The following SIRT3 variants were observed in gnomAD, a reference collection of about 807,000 sequenced individuals.
SIRT3 encodes the protein NAD-dependent protein deacetylase sirtuin-3, mitochondrial.
In SIRT3, 26 loss-of-function variants were observed where a neutral mutation model predicts 33.5. That is an observed-to-expected ratio of 0.78 (90% CI 0.57 to 1.08). SIRT3 has a LOEUF of 1.08. Ranked by LOEUF, SIRT3 falls within the 50% of genes least tolerant of loss-of-function variation. The pLI is 0.00. For missense variants in SIRT3, 585 were observed against 530.1 expected, an observed-to-expected ratio of 1.10 and a Z score of -1.02; for synonymous variants, 237 against 222.1, an observed-to-expected ratio of 1.07 and a Z score of -0.60.
Position 233,038 on chromosome 11 carries a change from A to C in SIRT3, c.651T>G (p.His217Gln). ...NVTHYFLRLL[H>Q]DKGLLLRLYT... ...AGAGCCGCAGAAGCAGCCCCTTGTC[A>C]TGAAGCAGCCGGAGAAAGTAGTGAG... Residue 217 changes from histidine (H) to glutamine (Q), a missense_variant, in exon 3 of 7, where the codon CAT becomes CAG. Physicochemically the swap from His to Gln is conservative, Grantham distance 24. Transcript: ENST00000382743. The C allele has an allele frequency of 6.2e-7, 1 of 1,614,194 alleles. No individual in the cohort carries two copies. Among genetic ancestry groups the C allele is most frequent in the East Asian group, 2.2e-5 (1 of 44,888 alleles).
rs754926291 is a variant in SIRT3 at position 232,976 on chromosome 11, G to A, written c.706+7C>T. ...AAAAGAATGTGTGCGACTCACAGAG[G>A]GCTCACCTCTCTCAAGCCCATCGAT... On this transcript the variant is annotated splice_region_variant and intron_variant, in intron 3 of 6. Coordinates refer to ENST00000382743, the MANE Select transcript of SIRT3 (RefSeq NM_012239.6). 2 of 1,612,550 alleles carry A rather than the reference G, an allele frequency of 1.2e-6. No homozygotes were observed. The highest frequency in any genetic ancestry group is 1.1e-5 in the South Asian group (1 of 91,006).
In SIRT3 at chr11:216,030, C is replaced by T. The variant is rs1020019249; in HGVS notation, c.*668G>A. 3.3e-5 allele frequency: 5 copies of T among 152,694 alleles called. No individual in the cohort carries two copies. The highest frequency in any genetic ancestry group is 1.9e-4 in the East Asian group (1 of 5,198). 9.5% of individuals were successfully genotyped at this position (152,694 alleles called of 1,614,324 possible). ...CCACCTTCAGAGGGAGGAGCTGGGC[C>T]GTCTCCAATAAATCCAGGGACAAAT... On this transcript the variant is annotated 3_prime_UTR_variant, in exon 7 of 7. Transcript: ENST00000382743.
upstream of SIRT3, chr11:236,929 T>TACGGCGCTCCCAGCCTGCC: frequency 3.6e-6 from 3 of 826,616 alleles, no homozygotes; most frequent in Non-Finnish European, 6.0e-6. Context: ...CCCGGCCTGC[T>TACGGCGCTCCCAGCCTGCC]ACGGCGCTCC....
At chr11:229,275 C>CCCCA (rs78133965) in intron 4 of SIRT3, among the ~76,000 whole-genome samples, 4 of 151,666 alleles carry the variant, frequency 2.6e-5, no homozygotes, top group African/African-American at 4.8e-5. Flanking sequence ...CATGGTGAAA[C>CCCCA]TACTCTACTA....
intron 1 of SIRT3, 30 bp downstream of exon 1, chr11:236,018 G>GC: frequency 6.9e-7 from 1 of 1,455,178 alleles, no homozygotes; most frequent in African/African-American, 1.4e-5. Flanking sequence ...CAACGAACAC[G>GC]CAAGAAGTGC....
chr11:233,312 C>G (rs763056058), intron 2 of SIRT3, 31 bp downstream of exon 2: 1 of 1,604,172 alleles, frequency 6.2e-7, no homozygotes, highest in South Asian at 1.1e-5. Flanking sequence ...GGGAGGGGAG[C>G]GCAGAAGGCA....
At position 236,294 on chromosome 11, in the gene SIRT3, A is replaced by G. The variant is rs1305165007; in HGVS notation, c.35T>C (p.Leu12Pro). 12 of 1,529,150 alleles carry G rather than the reference A, an allele frequency of 7.8e-6. No individual in the cohort carries two copies. Among genetic ancestry groups the G allele is most frequent in the Non-Finnish European group, 1.0e-5 (12 of 1,144,948 alleles). 94.7% of individuals were successfully genotyped at this position (1,529,150 alleles called of 1,614,324 possible). A position where few individuals can be genotyped will look rare whatever the true frequency, so the allele number is the denominator to read the frequency against. Residue 12 changes from leucine (L) to proline (P), a missense_variant, in exon 1 of 7, where the codon CTC (leucine) becomes CCC (proline). Physicochemically the swap from Leu to Pro is moderately conservative, Grantham distance 98. Transcript: ENST00000382743. ...TTCAACTACCCGGCCCCACAGCCGG[A>G]GGGCTGCCGCGGCGCGCCAACCCCA... ...AFWGWRAAAA[L>P]RLWGRVVERV...
chr11:234,246 G>C (rs934621258), intron 1 of SIRT3, among the ~76,000 whole-genome samples: 9 of 152,216 alleles, frequency 5.9e-5, no homozygotes, highest in African/African-American at 2.2e-4. Flanking sequence ...TGAGGGGCAG[G>C]CATGGGTGCA....
rs201772736 is a variant in SIRT3 at position 224,201 on chromosome 11, G to A, written c.846C>T (p.Val282=). The A allele has an allele frequency of 3.1e-6, 5 of 1,614,166 alleles. No homozygotes were observed. Among genetic ancestry groups the A allele is most frequent in the Non-Finnish European group, 4.2e-6 (5 of 1,180,054 alleles). The change falls in exon 5 of 7, where the codon GTC becomes GTT. Residue 282 remains valine (V), a synonymous_variant. Coordinates refer to ENST00000382743, the MANE Select transcript of SIRT3 (RefSeq NM_012239.6). ...VMADRVPRCP[V]CTGVVKPDIV... ...TGTCGGGCTTCACAACGCCGGTGCA[G>A]ACCGGGCAGCGGGGAACCCTGTCTG...
rs1017266174 is a variant in SIRT3, at chr11:223,091, C to G, written c.969+987G>C. On this transcript the variant is annotated intron_variant, in intron 5 of 6. Coordinates refer to ENST00000382743, the MANE Select transcript of SIRT3 (RefSeq NM_012239.6). The surrounding 1 kb of genome is among the most constrained non-coding windows in gnomAD (Gnocchi z 4.8). ...GCCCCTGTGGCTGCCCTGGGCCCCT[C>G]TGAGCACAGGTCTTTCTGGCCCTTC... The G allele has an allele frequency of 6.5e-6, 1 of 153,484 alleles. No homozygotes were observed. Among genetic ancestry groups the G allele is most frequent in the Admixed American group, 6.5e-5 (1 of 15,408 alleles). The allele number at this position is 153,484 out of a possible 1,614,324, so 9.5% of individuals were successfully genotyped here. A position where few individuals can be genotyped will look rare whatever the true frequency, so the allele number is the denominator to read the frequency against.
At chr11:220,531 T>C (rs1269718572) in intron 5 of SIRT3, among the ~76,000 whole-genome samples, 3 of 152,144 alleles carry the variant, frequency 2.0e-5, no homozygotes, top group South Asian at 2.1e-4. Flanking sequence ...CTTCATTCTT[T>C]ACTACAGAAA....
intron 5 of SIRT3, among the ~76,000 whole-genome samples, chr11:221,283 T>C (rs145564941): frequency 7.2e-5 from 11 of 152,356 alleles, no homozygotes; most frequent in African/African-American, 2.6e-4. Flanking sequence ...GGCTATCTTT[T>C]TATTTTTTGT....
chr11:218,264 G>T (rs1014465372), intron 6 of SIRT3, among the ~76,000 whole-genome samples: 1 of 152,174 alleles, frequency 6.6e-6, no homozygotes, highest in African/African-American at 2.4e-5. Context: ...TAATATCAAG[G>T]CTACACATGC....
chr11:219,284 T>C (rs1856100600), intron 5 of SIRT3, among the ~76,000 whole-genome samples: 1 of 152,146 alleles, frequency 6.6e-6, no homozygotes, highest in South Asian at 2.1e-4. Context: ...CACACATCCT[T>C]GCTTTTCCCC....
rs1859069596 is a variant in SIRT3 at position 236,191 on chromosome 11, C to A, written c.138G>T (p.Val46=). The part of the protein sequence containing the change: ...CRLVLGGRDD[V]SAGLRGSHGA... ...CATGGCTGCCTCTCAGCCCCGCACT[C>A]ACATCGTCCCTGCCGCCAAGCACCA... The change falls in exon 1 of 7, where the codon GTG becomes GTT. Residue 46 remains valine, a synonymous_variant. Coordinates refer to ENST00000382743, the MANE Select transcript of SIRT3 (RefSeq NM_012239.6). 1.1e-5 allele frequency: 17 copies of A among 1,561,992 alleles called. No homozygotes were observed. Among genetic ancestry groups the A allele is most frequent in the Non-Finnish European group, 1.5e-5 (17 of 1,156,720 alleles).
At chr11:236,860 GGA>G (rs1298571882), upstream of SIRT3, 1 of 605,012 alleles carries the variant, frequency 1.7e-6, no homozygotes, top group Non-Finnish European at 2.9e-6. Context: ...TGCAAACGCC[GGA>G]GAGTTTTGTC....
intron 6 of SIRT3, among the ~76,000 whole-genome samples, chr11:217,623 T>TA (rs1214757834): frequency 1.3e-5 from 2 of 152,070 alleles, no homozygotes; most frequent in East Asian, 1.9e-4. Flanking sequence ...CCATGATTGG[T>TA]AAAAAATCAG....
At chr11:224,527 CTCTA>C (rs1564808806) in intron 4 of SIRT3, among the ~76,000 whole-genome samples, 1 of 152,218 alleles carries the variant, frequency 6.6e-6, no homozygotes, top group Admixed American at 6.5e-5. Flanking sequence ...TAACACCATG[CTCTA>C]TCCCTGGGAT....
At chr11:226,744 AATT>A (rs201614760) in intron 4 of SIRT3, among the ~76,000 whole-genome samples, 2 of 112,140 alleles carry the variant, frequency 1.8e-5, no homozygotes. Flanking sequence ...GAAGGCCTAC[AATT>A]ATTATTATTA....
Sources: allele counts gnomAD v4.1 joint callset (sites outside exome capture counted in the v4.1 genomes callset), GRCh38; gene constraint gnomAD v4.1.1; non-coding constraint Gnocchi (gnomAD v3.1); transcripts MANE v1.5; gene names NCBI Gene and HGNC (gene_info 2026-07-23, HGNC 2026-07-21).